NCAM2: variants seen among roughly 807,000 people sequenced by gnomAD.
NCAM2 encodes the protein neural cell adhesion molecule 2, also known as N-CAM-2.
Under a neutral mutation model 98.1 loss-of-function variants are expected in NCAM2, and 30 were observed. The observed-to-expected ratio is 0.31, with a 90% CI of 0.23 to 0.41. The LOEUF (loss-of-function observed/expected upper bound fraction) is 0.41. Ranked by LOEUF, NCAM2 falls within the 10% of genes least tolerant of loss-of-function variation. NCAM2 has a pLI of 1.00. For missense variants in NCAM2, 867 were observed against 1,005.8 expected (o/e 0.86, Z 1.87); for synonymous variants, 368 against 342.4 (o/e 1.07, Z -0.83).
In NCAM2 at chr21:21,266,043, C is replaced by T. The variant is rs546193912; in HGVS notation, c.56-14535C>T. Among the ~76,000 whole-genome samples the T allele has an allele frequency of 1.7e-4, 26 of 152,094 alleles. No homozygotes were observed. The South Asian group carries it at 2.7e-3, about 16-fold the overall frequency. On this transcript the variant is annotated intron_variant, in intron 1 of 17. Transcript: ENST00000400546. ...GAAGCCTATCTAGAACTCAGTGATA[C>T]GGTAATAGTCACCTTTCTTTAGAAT...
chr21:21,238,974 G>T (rs1346527707), intron 1 of NCAM2, among the ~76,000 whole-genome samples: 1 of 151,952 alleles, frequency 6.6e-6, no homozygotes, highest in East Asian at 1.9e-4. Context: ...GATACAATTG[G>T]ACTAAATGAA....
At chr21:21,238,932 A>G (rs1399845651) in intron 1 of NCAM2, among the ~76,000 whole-genome samples, 2 of 152,196 alleles carry the variant, frequency 1.3e-5, no homozygotes. Flanking sequence ...GTGGGTCATT[A>G]CAGCAGATAA....
At chr21:21,533,166 C>CTTTT (rs201532023) in intron 16 of NCAM2, among the ~76,000 whole-genome samples, 2 of 93,804 alleles carry the variant, frequency 2.1e-5, no homozygotes, top group East Asian at 2.7e-4. Context: ...TGTTTGCTTG[C>CTTTT]TTTTTTTTTT....
Position 21,411,054 on chromosome 21 carries a change from G to GTGTA in NCAM2, c.1383+594_1383+595insGTAT, listed in dbSNP as rs1555889847. On this transcript the variant is annotated intron_variant, in intron 10 of 17. Coordinates refer to ENST00000400546, the MANE Select transcript of NCAM2 (RefSeq NM_004540.5). ...TATACACACATATATATATGTGTGT[G>GTGTA]TATATATATATATATACACACACAT... is the stretch of plus-strand genomic sequence containing the variant. Among the ~76,000 whole-genome samples, 42 of 29,268 alleles carry GTGTA rather than the reference G, an allele frequency of 1.4e-3. 2 individuals carry two copies. The highest frequency in any genetic ancestry group is 3.9e-3 in the East Asian group (2 of 508). The allele number at this position is 29,268 out of a possible 152,430, so 19.2% of individuals were successfully genotyped here.
rs1212341453 is a variant in NCAM2 at position 21,540,951 on chromosome 21, A to G, written c.*2994A>G. On this transcript the variant is annotated 3_prime_UTR_variant, in exon 18 of 18. Transcript: ENST00000400546. ...GATTTATTTATTATTTTTGTGGGCT[A>G]AGACATTGCCATTCTATTGATACTA... is the stretch of plus-strand genomic sequence containing the variant. 2.6e-5 allele frequency: 4 copies of G among 151,842 alleles called. No homozygotes were observed. In the East Asian group the frequency reaches 5.8e-4, roughly 22 times the overall value. The allele number at this position is 151,842 out of a possible 1,614,324, so 9.4% of individuals were successfully genotyped here.
intron 1 of NCAM2, among the ~76,000 whole-genome samples, chr21:21,141,802 A>C (rs569951270): frequency 6.6e-6 from 1 of 152,306 alleles, no homozygotes; most frequent in East Asian, 1.9e-4. Flanking sequence ...TGGACCAGGA[A>C]TCAGGCATTT....
chr21:21,446,523 T>G (rs1016245411), intron 12 of NCAM2, among the ~76,000 whole-genome samples: 5 of 151,978 alleles, frequency 3.3e-5, no homozygotes, highest in Non-Finnish European at 7.4e-5. Context: ...TCACTCCTAT[T>G]CCACATAGTA....
At chr21:21,177,412 A>G (rs1288625961) in intron 1 of NCAM2, among the ~76,000 whole-genome samples, 1 of 152,080 alleles carries the variant, frequency 6.6e-6, no homozygotes, top group Non-Finnish European at 1.5e-5. Context: ...ATACTATTAC[A>G]TGCTTCATTG....
chr21:21,318,728 A>C (rs556116775), intron 5 of NCAM2, among the ~76,000 whole-genome samples: 3 of 152,308 alleles, frequency 2.0e-5, no homozygotes, highest in Non-Finnish European at 1.5e-5. Flanking sequence ...AGAATTTATT[A>C]TGTAAACAAA....
intron 1 of NCAM2, among the ~76,000 whole-genome samples, chr21:21,241,308 A>G (rs1056497571): frequency 0.021 from 7 of 328 alleles, no homozygotes; most frequent in Middle Eastern, 0.25. Context: ...TGATTTATCA[A>G]TGAAAAAATC....
chr21:21,359,230 A>G (rs232487), intron 8 of NCAM2, among the ~76,000 whole-genome samples: 54,347 of 151,690 alleles, frequency 0.36, 9,947 homozygotes, highest in East Asian at 0.58. Context: ...CAATAATATA[A>G]GTCCCTGCTG....
At chr21:21,460,980 A>G (rs1296408542) in intron 12 of NCAM2, among the ~76,000 whole-genome samples, 3 of 151,904 alleles carry the variant, frequency 2.0e-5, no homozygotes, top group African/African-American at 4.8e-5. Flanking sequence ...ATTTGGCAGT[A>G]TGGACATTTA....
chr21:21,191,949 C>T (rs549756944), intron 1 of NCAM2, among the ~76,000 whole-genome samples: 19 of 152,146 alleles, frequency 1.2e-4, no homozygotes, highest in African/African-American at 4.3e-4. Flanking sequence ...AGGCTGGGTG[C>T]GGTGGCTCAT....
intron 1 of NCAM2, among the ~76,000 whole-genome samples, chr21:21,259,815 AC>A (rs2071822221): frequency 6.6e-6 from 1 of 151,860 alleles, no homozygotes; most frequent in African/African-American, 2.4e-5. Context: ...CCCTGAAAGC[AC>A]CCAGCAATGA....
At chr21:21,086,385 A>C (rs763647184) in intron 1 of NCAM2, among the ~76,000 whole-genome samples, 1 of 152,228 alleles carries the variant, frequency 6.6e-6, no homozygotes, top group Non-Finnish European at 1.5e-5. Context: ...ATGAGAGTCT[A>C]TTCATAACCC....
In NCAM2 at chr21:21,016,645, C is replaced by T. The variant is rs527738667; in HGVS notation, c.55+18027C>T. On this transcript the variant is annotated intron_variant, in intron 1 of 17. Transcript: ENST00000400546. ...AAGAATGATAAGGTAAGGCTATTAA[C>T]TTGCTTTGTGAACAGGCTATGTTCT... 1.1e-4 allele frequency among the ~76,000 whole-genome samples: 16 copies of T among 152,188 alleles called. No individual in the cohort carries two copies. The East Asian group carries it at 3.1e-3, about 29-fold the overall frequency.
chr21:21,035,028 TC>T (rs1568950698), intron 1 of NCAM2, among the ~76,000 whole-genome samples: 1 of 152,098 alleles, frequency 6.6e-6, no homozygotes, highest in Non-Finnish European at 1.5e-5. Context: ...TTGGGTAAAT[TC>T]CTCTCTTCTC....
chr21:21,070,405 TTAGA>T (rs2065537560), intron 1 of NCAM2, among the ~76,000 whole-genome samples: 1 of 151,840 alleles, frequency 6.6e-6, no homozygotes, highest in South Asian at 2.1e-4. Context: ...TGCCATATAA[TTAGA>T]TGGATGCACT....
At chr21:21,091,594 C>T (rs964207375) in intron 1 of NCAM2, among the ~76,000 whole-genome samples, 1 of 151,994 alleles carries the variant, frequency 6.6e-6, no homozygotes, top group Non-Finnish European at 1.5e-5. Flanking sequence ...TGGCAGAAGG[C>T]AAGGAGGAGC....
Sources: gnomAD v4.1 joint callset for allele counts (sites outside exome capture counted in the v4.1 genomes callset) on GRCh38, gnomAD v4.1.1 for gene constraint, MANE v1.5 for transcripts, NCBI Gene and HGNC (gene_info 2026-07-23, HGNC 2026-07-21) for gene names.